The following TMBIM6 variants were observed in gnomAD, a reference collection of about 807,000 sequenced individuals.
TMBIM6 encodes transmembrane BAX inhibitor motif containing 6.
In TMBIM6, 13 loss-of-function variants were observed where a neutral mutation model predicts 31.4. That is an observed-to-expected ratio of 0.41 (90% confidence interval 0.27 to 0.66). The LOEUF is 0.66. Ranked by LOEUF, TMBIM6 falls within the 30% of genes least tolerant of loss-of-function variation. The probability of loss-of-function intolerance (pLI) is 0.28; values close to 1 mark genes in which losing one functional copy is unlikely to be tolerated. For missense variants in TMBIM6, 275 were observed against 289.5 expected, an observed-to-expected ratio of 0.95 and a Z score of 0.36; for synonymous variants, 85 against 101.7, an observed-to-expected ratio of 0.84 and a Z score of 0.99.
rs1945572210 is a variant in TMBIM6, at chr12:49,755,514, C to T, written c.166-121C>T. 6 of 1,288,042 alleles carry T rather than the reference C, an allele frequency of 4.7e-6. No individual in the cohort carries two copies. In the Admixed American group the frequency reaches 1.3e-4, roughly 28 times the overall value. The allele number at this position is 1,288,042 out of a possible 1,614,324, so 79.8% of individuals were successfully genotyped here. A position where few individuals can be genotyped will look rare whatever the true frequency, so the allele number is the denominator to read the frequency against. The stretch of plus-strand genomic sequence containing the variant: ...GAGAAAACACTACTTTTTCTCCTGC[C>T]TCCAGGTTATAAGCAAATGTTAGGA... On this transcript the variant is annotated intron_variant, in intron 3 of 9. Coordinates refer to ENST00000267115, the MANE Select transcript of TMBIM6 (RefSeq NM_003217.3).
chr12:49,755,611 A>G (rs748365699), intron 3 of TMBIM6, 24 bp from the exon 4 acceptor site: 3 of 1,606,960 alleles, frequency 1.9e-6, no homozygotes, highest in East Asian at 2.2e-5. Context: ...GTGTTTAATG[A>G]TTGATTGATT....
Position 49,762,881 on chromosome 12 carries a change from G to A in TMBIM6, c.699G>A (p.Lys233=), listed in dbSNP as rs1192166395. ...TTTTTCTCCATTTCTAGGATAAGAA[G>A]AAAGAGAAGAAATGAAGTGACCATC... The part of the protein sequence containing the change: ...MILAMNEKDK[K]KEKK Residue 233 remains lysine (K), a synonymous_variant, in exon 10 of 10, where the codon AAG becomes AAA. Coordinates refer to ENST00000267115, the MANE Select transcript of TMBIM6 (RefSeq NM_003217.3). 2 of 1,612,752 alleles carry A rather than the reference G, an allele frequency of 1.2e-6. No individual in the cohort carries two copies. Among genetic ancestry groups the A allele is most frequent in the Admixed American group, 1.7e-5 (1 of 59,956 alleles).
intron 7 of TMBIM6, 24 bp from the exon 8 acceptor site, chr12:49,759,197 A>T: frequency 6.2e-7 from 1 of 1,602,220 alleles, no homozygotes; most frequent in Non-Finnish European, 8.6e-7. Context: ...GCTGTATAGT[A>T]ACTTCATCTC....
At chr12:49,755,598 C>A in intron 3 of TMBIM6, 37 bp from the exon 4 acceptor site, 1 of 1,603,036 alleles carries the variant, frequency 6.2e-7, no homozygotes, top group Admixed American at 1.8e-5. Flanking sequence ...TTGAAACTTT[C>A]AAGTGTTTAA....
At chr12:49,759,108 C>A in intron 7 of TMBIM6, 113 bp from the exon 8 acceptor site, 1 of 903,118 alleles carries the variant, frequency 1.1e-6, no homozygotes. Flanking sequence ...TGGTAATGTT[C>A]ATAGGGTTCA....
intron 9 of TMBIM6, 174 bp downstream of exon 9, chr12:49,761,953 C>A: frequency 1.2e-5 from 7 of 601,744 alleles, no homozygotes; most frequent in South Asian, 8.7e-5. Context: ...AAAAAAGCAG[C>A]AAGTGAAAAA....
At chr12:49,759,120 A>G in intron 7 of TMBIM6, 101 bp from the exon 8 acceptor site, 1 of 1,006,354 alleles carries the variant, frequency 9.9e-7, no homozygotes. Context: ...TAGGGTTCAC[A>G]TTTGATGTAC....
intron 1 of TMBIM6, chr12:49,742,267 T>A: frequency 6.2e-7 from 1 of 1,604,500 alleles, no homozygotes; most frequent in Non-Finnish European, 8.5e-7. Context: ...TTCGGATTGG[T>A]TACCTTTGGG....
chr12:49,755,221 T>A (rs1272880357), intron 3 of TMBIM6, among the ~76,000 whole-genome samples: 4 of 151,918 alleles, frequency 2.6e-5, no homozygotes, highest in Admixed American at 2.6e-4. Context: ...CCTCCCAAAG[T>A]GCTGGGATTA....
Position 49,741,588 on chromosome 12 carries a change from G to T in TMBIM6, c.-54G>T, listed in dbSNP as rs192809317. ...CATCCGGTGTTAGAAGCGCTGGTAG[G>T]CCTTGGAGAGGCGGGTTAGGAAGGT... is the stretch of plus-strand genomic sequence containing the variant. On this transcript the variant is annotated 5_prime_UTR_variant, in exon 1 of 10. Transcript: ENST00000267115. 1 of 159,066 alleles carries T rather than the reference G, an allele frequency of 6.3e-6. No individual in the cohort carries two copies. Among genetic ancestry groups the T allele is most frequent in the South Asian group, 1.5e-4 (1 of 6,702 alleles). The allele number at this position is 159,066 out of a possible 1,614,324, so 9.9% of individuals were successfully genotyped here.
chr12:49,749,441 G>GTTTTTTGTTTT (rs1555228474), intron 1 of TMBIM6, among the ~76,000 whole-genome samples: 3 of 146,048 alleles, frequency 2.1e-5, no homozygotes, highest in East Asian at 2.0e-4. Context: ...AGTCATTTTT[G>GTTTTTTGTTTT]TTTTTTTTTG....
chr12:49,749,467 G>A (rs547749809), intron 1 of TMBIM6, among the ~76,000 whole-genome samples: 1 of 144,120 alleles, frequency 6.9e-6, no homozygotes, highest in African/African-American at 2.9e-5. Flanking sequence ...GAGTCTCGCT[G>A]TGTTGCCCAA....
intron 9 of TMBIM6, among the ~76,000 whole-genome samples, chr12:49,762,343 T>C (rs1224311461): frequency 6.6e-6 from 1 of 152,228 alleles, no homozygotes; most frequent in African/African-American, 2.4e-5. Context: ...ACTAGGCAGA[T>C]GTACAAGTTT....
chr12:49,754,192 G>A (rs546739640), intron 3 of TMBIM6, among the ~76,000 whole-genome samples: 4 of 151,980 alleles, frequency 2.6e-5, no homozygotes, highest in African/African-American at 7.3e-5. Flanking sequence ...TTGTGGTGTC[G>A]TCCTGACTGG....
intron 4 of TMBIM6, among the ~76,000 whole-genome samples, chr12:49,757,283 C>G (rs908714608): frequency 2.6e-5 from 4 of 152,142 alleles, no homozygotes; most frequent in Admixed American, 2.0e-4. Context: ...CCATTGTGTA[C>G]TTGAATGAAT....
rs750590599 is a variant in TMBIM6, at chr12:49,758,413, A to G, written c.366A>G (p.Ala122=). 5 of 1,614,068 alleles carry G rather than the reference A, an allele frequency of 3.1e-6. No homozygotes were observed. In the Admixed American group the frequency reaches 8.3e-5, roughly 27 times the overall value. Residue 122 remains alanine (A), a synonymous_variant, in exon 6 of 10, where the codon GCA becomes GCG. Transcript: ENST00000267115. ...SILPTAFMGT[A]MIFTCFTLSA... is the part of the protein sequence containing the mutation. ...TTCCCACTGCTTTCATGGGCACGGC[A>G]ATGATCTTTACCTGCTTCACCCTCA...
rs1389987376 is a variant in TMBIM6 at position 49,764,710 on chromosome 12, TAAAAAAAAAAAAGAAAGA to T, written c.*1827_*1844del. On this transcript the variant is annotated 3_prime_UTR_variant, in exon 10 of 10. Transcript: ENST00000267115. ...AACAGTGCCAAGAATGACAAGATATTAAAAAAAAAAAAGAAAGAAAAAAAAAAAAACACCTACTTTTAA... is the reference window on the plus strand; with the variant it reads ...AACAGTGCCAAGAATGACAAGATATTAAAAAAAAAAAACACCTACTTTTAA... 2.0e-5 allele frequency: 2 copies of T among 101,774 alleles called. No individual in the cohort carries two copies. Among genetic ancestry groups the T allele is most frequent in the South Asian group, 5.9e-4 (2 of 3,410 alleles). 6.3% of individuals were successfully genotyped at this position (101,774 alleles called of 1,614,324 possible). A position where few individuals can be genotyped will look rare whatever the true frequency, so the allele number is the denominator to read the frequency against.
chr12:49,742,255 T>G, intron 1 of TMBIM6: 1 of 1,607,638 alleles, frequency 6.2e-7, no homozygotes, highest in Non-Finnish European at 8.5e-7. Flanking sequence ...GGCCCCGCTC[T>G]TTTCGGATTG....
At chr12:49,744,597 T>C (rs1179884308) in intron 1 of TMBIM6, 1 of 152,190 alleles carries the variant, frequency 6.6e-6, no homozygotes, top group Admixed American at 6.6e-5. Context: ...ACAGCACTCT[T>C]GATCTGATAA....
Sources: gnomAD v4.1 joint callset for allele counts (sites outside exome capture counted in the v4.1 genomes callset) on GRCh38, gnomAD v4.1.1 for gene constraint, MANE v1.5 for transcripts, NCBI Gene and HGNC (gene_info 2026-07-23, HGNC 2026-07-21) for gene names.